Variants in ARHGEF28 observed in about 807,000 individuals in gnomAD.
ARHGEF28 encodes Rho guanine nucleotide exchange factor 28, also known as 190 kDa guanine nucleotide exchange factor.
A neutral mutation model predicts 206.6 loss-of-function variants in ARHGEF28; 152 were observed. The observed-to-expected ratio is 0.74, with a 90% CI of 0.64 to 0.84. The LOEUF is 0.84. ARHGEF28 is among the 40% of genes least tolerant of loss of function. The pLI is 0.00. For synonymous variants in ARHGEF28, 763 were observed against 776.4 expected (o/e 0.98, Z 0.29); for missense variants, 2,028 against 2,073.2 (o/e 0.98, Z 0.42).
At chr5:73,674,550 C>G (rs906561916) in intron 1 of ARHGEF28, among the ~76,000 whole-genome samples, 5 of 152,210 alleles carry the variant, frequency 3.3e-5, no homozygotes, top group African/African-American at 1.2e-4. Flanking sequence ...TCTCCTGTTT[C>G]CTGGCATACA....
chr5:73,715,703 G>A (rs562592573), intron 2 of ARHGEF28, among the ~76,000 whole-genome samples: 1 of 152,324 alleles, frequency 6.6e-6, no homozygotes, highest in South Asian at 2.1e-4. Flanking sequence ...GTATAATTAT[G>A]TGTTGGATAG....
chr5:73,791,212 G>C (rs1244339293), intron 7 of ARHGEF28, among the ~76,000 whole-genome samples: 1 of 152,168 alleles, frequency 6.6e-6, no homozygotes, highest in Non-Finnish European at 1.5e-5. Flanking sequence ...GGGATACAAG[G>C]GTTGAGCGGA....
At chr5:73,637,928 GT>G (rs147241483) in intron 1 of ARHGEF28, among the ~76,000 whole-genome samples, 4,141 of 150,154 alleles carry the variant, frequency 0.028, 210 homozygotes, top group African/African-American at 0.095. Context: ...GTATTGTTTA[GT>G]TTTTTTTTTC....
In ARHGEF28 at chr5:73,790,331, C is replaced by T. The variant is rs572711132; in HGVS notation, c.911-4071C>T. Among the ~76,000 whole-genome samples the T allele has an allele frequency of 2.6e-5, 4 of 151,788 alleles. No homozygotes were observed. In the South Asian group the frequency reaches 8.4e-4, roughly 32 times the overall value. ...CACTGTCTTAAATAATTACTTTTGT[C>T]TTTAAAAAAAGAAACACAAGTAATT... On this transcript the variant is annotated intron_variant, in intron 7 of 35. Coordinates refer to ENST00000513042, the MANE Select transcript of ARHGEF28 (RefSeq NM_001177693.2).
intron 11 of ARHGEF28, among the ~76,000 whole-genome samples, chr5:73,841,743 A>G (rs1403509769): frequency 6.6e-6 from 1 of 151,648 alleles, no homozygotes. Flanking sequence ...GAAAAAGAAA[A>G]ACAAAATAAT....
At chr5:73,896,302 G>A (rs925023440) in intron 29 of ARHGEF28, among the ~76,000 whole-genome samples, 8 of 152,194 alleles carry the variant, frequency 5.3e-5, no homozygotes, top group African/African-American at 1.7e-4. Context: ...TGAGCTTCAC[G>A]TGTTTAAGGA....
rs183213640 is a variant in ARHGEF28, at chr5:73,915,033, C to A, written c.4948+3458C>A. Among the ~76,000 whole-genome samples the A allele has an allele frequency of 4.1e-4, 62 of 152,332 alleles. No homozygotes were observed. In the Middle Eastern group the frequency reaches 0.01, roughly 25 times the overall value. On this transcript the variant is annotated intron_variant, in intron 35 of 35. Transcript: ENST00000513042. ...GGGATTATAGGCATGAGCCACAGTG[C>A]CCAGCCATGAGTTGTACTTTTTAAA... is the stretch of plus-strand genomic sequence containing the variant.
chr5:73,666,628 T>C (rs1745977273), intron 1 of ARHGEF28, among the ~76,000 whole-genome samples: 1 of 152,276 alleles, frequency 6.6e-6, no homozygotes, highest in East Asian at 1.9e-4. Flanking sequence ...CTGTCAACTG[T>C]AGAATGATGA....
chr5:73,869,982 G>T, intron 20 of ARHGEF28, 87 bp from the exon 21 acceptor site: 2 of 1,451,742 alleles, frequency 1.4e-6, no homozygotes, highest in Admixed American at 4.3e-5. Context: ...GATTTATTTA[G>T]GGTGAGGAAT....
At chr5:73,846,773 C>G (rs1279891597) in intron 12 of ARHGEF28, among the ~76,000 whole-genome samples, 2 of 152,158 alleles carry the variant, frequency 1.3e-5, no homozygotes. Flanking sequence ...CTCCCATCAT[C>G]TCTTAAGCAA....
Position 73,857,757 on chromosome 5 carries a change from C to G in ARHGEF28, c.1892C>G (p.Thr631Ser). The change falls in exon 15 of 36, where the codon ACT becomes AGT. Residue 631 changes from threonine to serine, a missense_variant. By Grantham distance (58) the Thr-to-Ser change is moderately conservative. This residue lies in a region of ARHGEF28 where 1,002 missense variants were observed against 1,015.3 expected (regional missense o/e 0.99). Coordinates refer to ENST00000513042, the MANE Select transcript of ARHGEF28 (RefSeq NM_001177693.2). ...TTCAGTTTCCTCATGAATAGGATGA[C>G]TAGCCCTCGGAATAAATCAAAGGTA... Reference protein sequence around the residue: ...RTFSFLMNRMTSPRNKSKTKS... With the variant: ...RTFSFLMNRMSSPRNKSKTKS... The G allele has an allele frequency of 1.2e-6, 2 of 1,612,940 alleles. No homozygotes were observed. The highest frequency in any genetic ancestry group is 1.7e-6 in the Non-Finnish European group (2 of 1,179,414).
chr5:73,865,998 C>A lies in ARHGEF28; in HGVS notation c.2137C>A (p.Gln713Lys). ...AGAGAAATATAACAAGAACAAACCA[C>A]AGACCATCCTTGGAAGTAAGTGATG... ...FQEKYNKNKP[Q>K]TILGNSSFRD... Residue 713 changes from glutamine (Q) to lysine (K), a missense_variant, in exon 18 of 36, where the codon CAG becomes AAG. Physicochemically the swap from Gln to Lys is moderately conservative, Grantham distance 53. This residue lies in a region of ARHGEF28 where 1,002 missense variants were observed against 1,015.3 expected (regional missense o/e 0.99). Transcript: ENST00000513042. 6.2e-7 allele frequency: 1 copy of A among 1,604,856 alleles called. No individual in the cohort carries two copies. Among genetic ancestry groups the A allele is most frequent in the Non-Finnish European group, 8.5e-7 (1 of 1,174,392 alleles).
chr5:73,834,542 C>CTGTGTGTG (rs34258155), intron 10 of ARHGEF28, among the ~76,000 whole-genome samples: 1 of 146,214 alleles, frequency 6.8e-6, no homozygotes. Context: ...AATAATATTC[C>CTGTGTGTG]TGTGTGTGTG....
intron 4 of ARHGEF28, among the ~76,000 whole-genome samples, chr5:73,768,406 G>T (rs935333652): frequency 6.6e-6 from 1 of 152,218 alleles, no homozygotes; most frequent in African/African-American, 2.4e-5. Context: ...GGGCAGAGCT[G>T]CCCAAGACCA....
chr5:73,715,905 CAT>C (rs771711645), intron 2 of ARHGEF28, among the ~76,000 whole-genome samples: 4 of 152,312 alleles, frequency 2.6e-5, no homozygotes, highest in Non-Finnish European at 4.4e-5. Context: ...TGAGAGGTGA[CAT>C]GTGCTAATCG....
At chr5:73,829,219 T>C (rs1353529637) in intron 9 of ARHGEF28, among the ~76,000 whole-genome samples, 5 of 152,194 alleles carry the variant, frequency 3.3e-5, no homozygotes, top group Non-Finnish European at 1.5e-5. Context: ...CATAGAGTCA[T>C]GCAGGTATTT....
chr5:73,930,410 TAA>T (rs1764043502), intron 35 of ARHGEF28, among the ~76,000 whole-genome samples: 1 of 152,238 alleles, frequency 6.6e-6, no homozygotes, highest in Non-Finnish European at 1.5e-5. Context: ...TTCCTGTTCA[TAA>T]AAGTTTTTTC....
Position 73,753,064 on chromosome 5 carries a change from T to C in ARHGEF28, c.337T>C (p.Cys113Arg), listed in dbSNP as rs759865339. ...GACGCAGGCCAATCGCCTCACAGCC[T>C]GCAGCCACCAGACCCTGCTGACCCC... ...LVTQANRLTA[C>R]SHQTLLTPFA... Residue 113 changes from cysteine (C) to arginine (R), a missense_variant, in exon 4 of 36, where the codon TGC becomes CGC. By Grantham distance (180) the Cys-to-Arg change is radical (BLOSUM62 -3). Around this residue, in one of 3 missense-constraint regions of ARHGEF28, gnomAD observed 1,002 missense variants for 1,015.3 expected, o/e 0.99. Transcript: ENST00000513042. The C allele has an allele frequency of 1.1e-5, 18 of 1,610,804 alleles. No homozygotes were observed. The highest frequency in any genetic ancestry group is 1.7e-5 in the Admixed American group (1 of 59,564).
chr5:73,844,269 G>C (rs1174664000), intron 11 of ARHGEF28, among the ~76,000 whole-genome samples: 1 of 152,122 alleles, frequency 6.6e-6, no homozygotes, highest in Admixed American at 6.6e-5. Flanking sequence ...TGTTAAAATC[G>C]GATATTATTG....
Sources: gnomAD v4.1 joint callset for allele counts (sites outside exome capture counted in the v4.1 genomes callset) on GRCh38, gnomAD v4.1.1 for gene constraint, gnomAD v4.1.1 regional missense constraint, MANE v1.5 for transcripts, NCBI Gene and HGNC (gene_info 2026-07-23, HGNC 2026-07-21) for gene names.